Variants in NDE1 observed in about 807,000 individuals in gnomAD.
NDE1 encodes nudE neurodevelopment protein 1.
In NDE1, 28 loss-of-function variants were observed where a neutral mutation model predicts 43.4. The observed-to-expected ratio is 0.65, with a 90% CI of 0.48 to 0.89. The LOEUF is 0.89. Ranked by LOEUF, NDE1 falls within the 40% of genes least tolerant of loss-of-function variation. The pLI, the probability that NDE1 is intolerant of heterozygous loss-of-function variation, is 0.00. For missense variants in NDE1, 441 were observed against 434.1 expected (o/e 1.02, Z -0.14); for synonymous variants, 184 against 172.0 (o/e 1.07, Z -0.55).
At chr16:15,719,370 A>C in intron 8 of NDE1, 2 of 1,561,810 alleles carry the variant, frequency 1.3e-6, no homozygotes, top group Non-Finnish European at 1.7e-6. Context: ...CCAAGAGTCC[A>C]CCCTGACAAC....
At position 15,691,149 on chromosome 16, in the gene NDE1, C is replaced by T. The variant is rs754109322; in HGVS notation, c.529C>T (p.Arg177Trp). 9 of 1,613,914 alleles carry T rather than the reference C, an allele frequency of 5.6e-6. No homozygotes were observed. The highest frequency in any genetic ancestry group is 2.7e-5 in the African/African-American group (2 of 74,884). ...QRLKDEARDLRQELAVQQKQE... is the reference protein window; with the variant it reads ...QRLKDEARDLWQELAVQQKQE... ...GAATCCTTTTTCTGGCACAGATTTG[C>T]GGCAGGAACTGGCCGTGCAGCAGAA... Residue 177 changes from arginine (R) to tryptophan (W), a missense_variant, in exon 6 of 9, where the codon CGG becomes TGG. Arg to Trp is a moderately radical substitution (Grantham distance 101). Transcript: ENST00000396354.
chr16:15,655,305 G>A (rs1266506936), intron 1 of NDE1, among the ~76,000 whole-genome samples: 1 of 151,848 alleles, frequency 6.6e-6, no homozygotes, highest in Non-Finnish European at 1.5e-5. Flanking sequence ...GGCGTGCATC[G>A]TGACGCCCTG....
exon 1 of NDE1, chr16:15,643,806 C>G (rs544343319): frequency 6.4e-6 from 1 of 156,066 alleles, no homozygotes; most frequent in South Asian, 1.6e-4. Context: ...CACCAAGAAT[C>G]AAGAGATTTT....
At chr16:15,650,792 C>T (rs145750804) in intron 1 of NDE1, among the ~76,000 whole-genome samples, 91 of 152,196 alleles carry the variant, frequency 6.0e-4, no homozygotes, top group Admixed American at 1.8e-3. Flanking sequence ...CGCTTCTCTG[C>T]GACCCCAGAC....
At chr16:15,672,147 C>T (rs1389015372) in intron 3 of NDE1, among the ~76,000 whole-genome samples, 1 of 151,960 alleles carries the variant, frequency 6.6e-6, no homozygotes, top group Admixed American at 6.6e-5. Context: ...CAAGACTGAG[C>T]TCTTGGGCCT....
rs866267488 is a variant in NDE1, at chr16:15,694,444, C to T, written c.795+188C>T. The T allele has an allele frequency of 3.8e-5, 54 of 1,417,696 alleles. No homozygotes were observed. In the Middle Eastern group the frequency reaches 7.4e-4, roughly 19 times the overall value. 87.8% of individuals were successfully genotyped at this position (1,417,696 alleles called of 1,614,324 possible). A position where few individuals can be genotyped will look rare whatever the true frequency, so the allele number is the denominator to read the frequency against. ...CACTGCAGCCTCAAAATCCTGGGTTCAAGCGATCCTCTCACCTTAGCTTCC... is the reference window on the plus strand; with the variant it reads ...CACTGCAGCCTCAAAATCCTGGGTTTAAGCGATCCTCTCACCTTAGCTTCC... On this transcript the variant is annotated intron_variant, in intron 7 of 8. Coordinates refer to ENST00000396354, the MANE Select transcript of NDE1 (RefSeq NM_017668.3).
chr16:15,718,244 T>C, intron 8 of NDE1: 1 of 1,601,456 alleles, frequency 6.2e-7, no homozygotes, highest in East Asian at 2.2e-5. Context: ...CACGCGTGTG[T>C]TGACTGGTGC....
upstream of NDE1, among the ~76,000 whole-genome samples, chr16:15,646,531 A>G (rs2036332458): frequency 6.6e-6 from 1 of 151,818 alleles, no homozygotes; most frequent in South Asian, 2.1e-4. Flanking sequence ...CGGTGAGCCG[A>G]GATCGTGCCA....
intron 8 of NDE1, among the ~76,000 whole-genome samples, chr16:15,706,552 A>G (rs1047538744): frequency 6.6e-6 from 1 of 152,078 alleles, no homozygotes; most frequent in African/African-American, 2.4e-5. Flanking sequence ...TACTAAATAT[A>G]CTAAATTAGC....
chr16:15,687,545 C>T, intron 5 of NDE1, 34 bp downstream of exon 5: 1 of 1,570,806 alleles, frequency 6.4e-7, no homozygotes, highest in Non-Finnish European at 8.8e-7. Context: ...CCAGCATGGT[C>T]CCCTCTCCCT....
intron 8 of NDE1, chr16:15,721,341 C>G: frequency 6.8e-7 from 1 of 1,479,160 alleles, no homozygotes; most frequent in East Asian, 2.3e-5. Flanking sequence ...AGGCCAGGAG[C>G]TAGCCTCGCA....
At chr16:15,654,298 C>T (rs1431508856) in intron 1 of NDE1, among the ~76,000 whole-genome samples, 1 of 151,916 alleles carries the variant, frequency 6.6e-6, no homozygotes, top group Non-Finnish European at 1.5e-5. Context: ...ATTACAGTGC[C>T]TTTTAAAACA....
chr16:15,717,435 C>T (rs1313131074), intron 8 of NDE1: 16 of 1,404,978 alleles, frequency 1.1e-5, no homozygotes, highest in Middle Eastern at 2.3e-4. Flanking sequence ...CCTTGTTTGG[C>T]CTCTGCACGA....
chr16:15,683,578 C>G (rs1275512036), intron 4 of NDE1, among the ~76,000 whole-genome samples: 1 of 152,096 alleles, frequency 6.6e-6, no homozygotes, highest in East Asian at 1.9e-4. Context: ...GATCTCCTGA[C>G]TTTGTGATCC....
At chr16:15,722,077 C>T (rs774477271) in intron 8 of NDE1, among the ~76,000 whole-genome samples, 2 of 151,966 alleles carry the variant, frequency 1.3e-5, no homozygotes, top group East Asian at 1.9e-4. Context: ...AGGCTGGTCT[C>T]GAACTCCTGA....
intron 1 of NDE1, among the ~76,000 whole-genome samples, chr16:15,660,834 T>C (rs762680579): frequency 2.6e-5 from 4 of 152,134 alleles, no homozygotes; most frequent in Non-Finnish European, 4.4e-5. Context: ...GACAGCACAG[T>C]CTTCCTGATT....
chr16:15,692,911 C>T (rs535478155), intron 6 of NDE1, among the ~76,000 whole-genome samples: 14 of 151,874 alleles, frequency 9.2e-5, no homozygotes, highest in African/African-American at 2.2e-4. Context: ...TATGTTTCCA[C>T]ACTTCAATAT....
intron 4 of NDE1, chr16:15,686,450 G>A: frequency 1.0e-6 from 1 of 985,410 alleles, no homozygotes; most frequent in South Asian, 4.7e-5. Context: ...TGTGAGCAGG[G>A]CAGCTGGGCT....
intron 8 of NDE1, among the ~76,000 whole-genome samples, chr16:15,716,371 A>G (rs1255448558): frequency 2.0e-5 from 3 of 152,192 alleles, no homozygotes; most frequent in African/African-American, 7.2e-5. Flanking sequence ...TTACTGAAAA[A>G]GCTACTAGAA....
Sources: allele counts gnomAD v4.1 joint callset (sites outside exome capture counted in the v4.1 genomes callset), GRCh38; gene constraint gnomAD v4.1.1; transcripts MANE v1.5; gene names NCBI Gene and HGNC (gene_info 2026-07-23, HGNC 2026-07-21).